Variants in ANKS1B observed in about 807,000 individuals in gnomAD.
ANKS1B encodes the protein ankyrin repeat and sterile alpha motif domain-containing protein 1B.
In ANKS1B, 36 loss-of-function variants were observed where a neutral mutation model predicts 148.3. That is an observed-to-expected ratio of 0.24 (90% confidence interval 0.19 to 0.32). The LOEUF (loss-of-function observed/expected upper bound fraction) is 0.32, where lower values mean the gene tolerates loss of function less well. Ranked by LOEUF, ANKS1B falls within the 10% of genes least tolerant of loss-of-function variation. The probability of loss-of-function intolerance (pLI) is 1.00; values close to 1 mark genes in which losing one functional copy is unlikely to be tolerated. For missense variants in ANKS1B, 1,157 were observed against 1,542.6 expected (o/e 0.75, Z 4.19); for synonymous variants, 542 against 560.8 (o/e 0.97, Z 0.47).
At chr12:98,903,619 C>G (rs906484892) in intron 17 of ANKS1B, among the ~76,000 whole-genome samples, 1 of 152,224 alleles carries the variant, frequency 6.6e-6, no homozygotes. Flanking sequence ...TTTTGAGGCT[C>G]TGGATCCAGT....
intron 8 of ANKS1B, among the ~76,000 whole-genome samples, chr12:99,675,769 C>A (rs1460285731): frequency 6.6e-6 from 1 of 151,662 alleles, no homozygotes; most frequent in African/African-American, 2.4e-5. Flanking sequence ...AAATGTTTAA[C>A]CATAGAAAAT....
chr12:99,888,163 A>G (rs949048971), intron 1 of ANKS1B, among the ~76,000 whole-genome samples: 1 of 152,244 alleles, frequency 6.6e-6, no homozygotes, highest in Non-Finnish European at 1.5e-5. Context: ...TCTATTTATT[A>G]CATGCTATAT....
chr12:99,657,771 C>T (rs2098456896), intron 8 of ANKS1B, among the ~76,000 whole-genome samples: 1 of 151,428 alleles, frequency 6.6e-6, no homozygotes, highest in African/African-American at 2.4e-5. Flanking sequence ...ATACTATAAA[C>T]CACCTCATAG....
At chr12:99,355,846 A>G (rs2091923086) in intron 12 of ANKS1B, among the ~76,000 whole-genome samples, 1 of 152,090 alleles carries the variant, frequency 6.6e-6, no homozygotes, top group Non-Finnish European at 1.5e-5. Flanking sequence ...TATTTGAATA[A>G]TTATAGTTAT....
At chr12:99,415,877 GT>G (rs2152692703) in intron 11 of ANKS1B, among the ~76,000 whole-genome samples, 1 of 152,194 alleles carries the variant, frequency 6.6e-6, no homozygotes, top group African/African-American at 2.4e-5. Context: ...TAGAGACGGG[GT>G]TTCACTGTGT....
intron 19 of ANKS1B, among the ~76,000 whole-genome samples, chr12:98,820,468 T>C (rs971492686): frequency 6.6e-6 from 1 of 152,216 alleles, no homozygotes; most frequent in Admixed American, 6.5e-5. Flanking sequence ...ATCTGATCTG[T>C]CGTAGAGCCC....
chr12:99,018,461 T>G (rs1324435055), intron 17 of ANKS1B, among the ~76,000 whole-genome samples: 2 of 152,236 alleles, frequency 1.3e-5, no homozygotes, highest in African/African-American at 2.4e-5. Flanking sequence ...CTAAAGTCTA[T>G]GTTTTGAAAT....
chr12:98,810,510 G>A (rs1450471976), intron 19 of ANKS1B, among the ~76,000 whole-genome samples: 2 of 152,162 alleles, frequency 1.3e-5, no homozygotes, highest in Non-Finnish European at 2.9e-5. Flanking sequence ...GGTTGGAGGT[G>A]CTTCCCAGCC....
intron 17 of ANKS1B, chr12:98,954,482 T>C (rs1410428493): frequency 6.6e-6 from 1 of 152,202 alleles, no homozygotes. Flanking sequence ...CCATTAGGGC[T>C]CCTCCCTTGC....
Position 99,516,063 on chromosome 12 carries a change from C to A in ANKS1B, c.1273-11422G>T, listed in dbSNP as rs552834232. Among the ~76,000 whole-genome samples the A allele has an allele frequency of 8.4e-4, 127 of 152,030 alleles. No individual in the cohort carries two copies. In the Middle Eastern group the frequency reaches 0.014, roughly 16 times the overall value. ...GACTGCTTTTATATTCTAGTTATCACCTGTCAGATTATTAGTTTGCATTTT... is the reference window on the plus strand; with the variant it reads ...GACTGCTTTTATATTCTAGTTATCAACTGTCAGATTATTAGTTTGCATTTT... On this transcript the variant is annotated intron_variant, in intron 9 of 26. Coordinates refer to ENST00000683438, the MANE Select transcript of ANKS1B (RefSeq NM_001352186.2).
At chr12:99,615,628 T>C (rs2097949811) in intron 9 of ANKS1B, among the ~76,000 whole-genome samples, 1 of 152,142 alleles carries the variant, frequency 6.6e-6, no homozygotes, top group Non-Finnish European at 1.5e-5. Flanking sequence ...AACTAAGTAT[T>C]GATGTAACAT....
At chr12:99,326,803 T>C (rs1007646338) in intron 12 of ANKS1B, among the ~76,000 whole-genome samples, 1 of 151,354 alleles carries the variant, frequency 6.6e-6, no homozygotes, top group East Asian at 1.9e-4. Context: ...GTAGGGAAAA[T>C]AGTTGATATG....
chr12:99,734,651 C>A (rs1281529452), intron 8 of ANKS1B, among the ~76,000 whole-genome samples: 4 of 152,142 alleles, frequency 2.6e-5, no homozygotes, highest in Non-Finnish European at 5.9e-5. Flanking sequence ...CCACAAACCA[C>A]CAACTCATCT....
At chr12:99,931,498 A>G (rs1420213377) in intron 1 of ANKS1B, among the ~76,000 whole-genome samples, 1 of 152,192 alleles carries the variant, frequency 6.6e-6, no homozygotes, top group Non-Finnish European at 1.5e-5. Flanking sequence ...ATTTTCTGCT[A>G]TATAGAAGCA....
intron 24 of ANKS1B, among the ~76,000 whole-genome samples, chr12:98,774,362 T>C (rs543703822): frequency 6.6e-6 from 1 of 152,342 alleles, no homozygotes; most frequent in South Asian, 2.1e-4. Context: ...AATTGAGTTA[T>C]TTCTTCTCTA....
chr12:99,477,634 C>A (rs956668531), intron 10 of ANKS1B, among the ~76,000 whole-genome samples: 1 of 152,152 alleles, frequency 6.6e-6, no homozygotes, highest in African/African-American at 2.4e-5. Context: ...CTGTAAAGTG[C>A]TTAAAGCAAT....
chr12:99,060,981 A>G (rs1421823736), intron 16 of ANKS1B, among the ~76,000 whole-genome samples: 1 of 152,234 alleles, frequency 6.6e-6, no homozygotes, highest in African/African-American at 2.4e-5. Context: ...GAACAAGAGG[A>G]TAAGGAACCC....
rs556705097 is a variant in ANKS1B, at chr12:99,571,159, T to C, written c.1273-66518A>G. Among the ~76,000 whole-genome samples the C allele has an allele frequency of 3.3e-5, 5 of 152,230 alleles. No individual in the cohort carries two copies. The South Asian group carries it at 1.0e-3, about 32-fold the overall frequency. On this transcript the variant is annotated intron_variant, in intron 9 of 26. Coordinates refer to ENST00000683438, the MANE Select transcript of ANKS1B (RefSeq NM_001352186.2). Reference sequence around the variant, plus strand: ...ATTATCCCAATTTTTAAAAGCTCAATTTTCTAGATGTCTTTTTTGATAACA... The same window carrying C: ...ATTATCCCAATTTTTAAAAGCTCAACTTTCTAGATGTCTTTTTTGATAACA...
chr12:98,951,068 T>C (rs1455483303), intron 17 of ANKS1B, among the ~76,000 whole-genome samples: 2 of 152,136 alleles, frequency 1.3e-5, no homozygotes, highest in Non-Finnish European at 2.9e-5. Context: ...ATTTCACATA[T>C]ATATGAGCTA....
Sources: allele counts gnomAD v4.1 joint callset (sites outside exome capture counted in the v4.1 genomes callset), GRCh38; gene constraint gnomAD v4.1.1; transcripts MANE v1.5; gene names NCBI Gene and HGNC (gene_info 2026-07-23, HGNC 2026-07-21).